The following HOOK3 variants were observed in gnomAD, a reference collection of about 807,000 sequenced individuals.
HOOK3 encodes protein Hook homolog 3.
HOOK3 carries 24 observed loss-of-function variants against 116.3 expected under a neutral mutation model. That is an observed-to-expected ratio of 0.21 (90% CI 0.15 to 0.29). The LOEUF (loss-of-function observed/expected upper bound fraction) is 0.29, where lower values mean the gene tolerates loss of function less well. Ranked by LOEUF, HOOK3 falls within the 10% of genes least tolerant of loss-of-function variation. HOOK3 has a pLI of 1.00. For missense variants in HOOK3, 632 were observed against 830.2 expected, an observed-to-expected ratio of 0.76 and a Z score of 2.93; for synonymous variants, 275 against 283.0, an observed-to-expected ratio of 0.97 and a Z score of 0.28.
At chr8:42,961,014 G>A (rs1191407124) in intron 8 of HOOK3, among the ~76,000 whole-genome samples, 4 of 152,204 alleles carry the variant, frequency 2.6e-5, no homozygotes, top group Admixed American at 2.0e-4. Context: ...ATGGCAGAAG[G>A]CAAAGGGGAA....
chr8:42,993,329 T>C (rs1220899127), intron 15 of HOOK3, among the ~76,000 whole-genome samples: 6 of 152,200 alleles, frequency 3.9e-5, no homozygotes, highest in Non-Finnish European at 7.3e-5. Context: ...AGTAGCTTAG[T>C]AGAGCCAGGT....
rs1430579183 is a variant in HOOK3 at position 43,022,255 on chromosome 8, GT to G, written c.*3759del. On this transcript the variant is annotated 3_prime_UTR_variant, in exon 22 of 22. Transcript: ENST00000307602. ...AATGATTCCTCAGGAGATTCGTGAT[GT>G]TGTCTGGTCTATCTGGAAATTTAAA... The G allele has an allele frequency of 9.5e-6, 2 of 210,886 alleles. No homozygotes were observed. Among genetic ancestry groups the G allele is most frequent in the Non-Finnish European group, 9.6e-6 (1 of 104,042 alleles). The allele number at this position is 210,886 out of a possible 1,614,324, so 13.1% of individuals were successfully genotyped here. A position where few individuals can be genotyped will look rare whatever the true frequency, so the allele number is the denominator to read the frequency against.
At chr8:42,897,261 C>G (rs938300933) in intron 1 of HOOK3, 73 bp downstream of exon 1, 3 of 1,058,450 alleles carry the variant, frequency 2.8e-6, no homozygotes, top group Non-Finnish European at 3.6e-6. Context: ...ACGCGCGGCC[C>G]GTGGGGCGAG....
chr8:42,966,700 C>T (rs1808639201), intron 10 of HOOK3, 87 bp downstream of exon 10: 3 of 1,436,054 alleles, frequency 2.1e-6, no homozygotes, highest in African/African-American at 1.4e-5. Flanking sequence ...AACTTAAGAG[C>T]CAGGCTACCT....
chr8:43,016,122 G>GT (rs35456975), intron 21 of HOOK3, among the ~76,000 whole-genome samples: 29 of 144,128 alleles, frequency 2.0e-4, no homozygotes, highest in African/African-American at 5.9e-4. Context: ...GTCCTAATTT[G>GT]TTTTTTTTTT....
intron 14 of HOOK3, among the ~76,000 whole-genome samples, chr8:42,983,921 A>G (rs1430922300): frequency 1.3e-5 from 2 of 152,162 alleles, no homozygotes; most frequent in African/African-American, 4.8e-5. Context: ...CCTTTTCAAA[A>G]TGGACACTGG....
chr8:42,913,715 A>G (rs971754656), intron 2 of HOOK3, among the ~76,000 whole-genome samples: 2 of 152,194 alleles, frequency 1.3e-5, no homozygotes, highest in Admixed American at 6.5e-5. Context: ...TCCAAAGCCA[A>G]TGTGACATTT....
chr8:42,977,518 GATACCCCAAAAC>G (rs1408669570), intron 13 of HOOK3, among the ~76,000 whole-genome samples: 2 of 152,126 alleles, frequency 1.3e-5, no homozygotes, highest in African/African-American at 4.8e-5. Context: ...GATGTATGGA[GATACCCCAAAAC>G]ATATTTAGGT....
At chr8:43,007,058 A>T (rs1809506724) in intron 17 of HOOK3, among the ~76,000 whole-genome samples, 1 of 114,294 alleles carries the variant, frequency 8.7e-6, no homozygotes, top group Non-Finnish European at 1.6e-5. Context: ...ATGGAGTCTC[A>T]CTCTGTCATC....
chr8:43,013,540 A>G (rs1809652970), intron 21 of HOOK3, 140 bp downstream of exon 21: 2 of 644,938 alleles, frequency 3.1e-6, no homozygotes, highest in African/African-American at 1.9e-5. Context: ...CAGAATCTTA[A>G]TGTTATTTCT....
chr8:43,003,436 C>G (rs1809414842), intron 17 of HOOK3, among the ~76,000 whole-genome samples: 1 of 151,870 alleles, frequency 6.6e-6, no homozygotes, highest in South Asian at 2.1e-4. Context: ...GAATTCTGTC[C>G]TTTAAAAAAA....
At chr8:42,949,540 A>G (rs1221468794) in intron 5 of HOOK3, 1 of 152,228 alleles carries the variant, frequency 6.6e-6, no homozygotes, top group Non-Finnish European at 1.5e-5. Flanking sequence ...TTGTTTAACT[A>G]TGGTATCAAT....
chr8:42,902,277 T>TC lies in HOOK3; in HGVS notation c.58-3896_58-3895insC, dbSNP rs555342837. Among the ~76,000 whole-genome samples the TC allele has an allele frequency of 9.4e-5, 13 of 138,696 alleles. No individual in the cohort carries two copies. The East Asian group carries it at 1.0e-3, about 11-fold the overall frequency. 91.0% of individuals were successfully genotyped at this position (138,696 alleles called of 152,430 possible). A position where few individuals can be genotyped will look rare whatever the true frequency, so the allele number is the denominator to read the frequency against. On this transcript the variant is annotated intron_variant, in intron 1 of 21. Transcript: ENST00000307602. ...AATGTGTATTCTCTCTCTCTCTCTC[T>TC]TTTTTTTTTTTTAAGACAGGGTCTC...
chr8:43,027,264 G>T lies in HOOK3; in HGVS notation c.*8766G>T. On this transcript the variant is annotated 3_prime_UTR_variant, in exon 22 of 22. Coordinates refer to ENST00000307602, the MANE Select transcript of HOOK3 (RefSeq NM_032410.4). ...TTGTCTACCGAGAGACTTTCTTTAG[G>T]AGCCAGGACTTCTACATTTGTAACT... 4.0e-6 allele frequency: 1 copy of T among 251,276 alleles called. No homozygotes were observed. Among genetic ancestry groups the T allele is most frequent in the South Asian group, 5.0e-5 (1 of 20,076 alleles). 15.6% of individuals were successfully genotyped at this position (251,276 alleles called of 1,614,324 possible). A position where few individuals can be genotyped will look rare whatever the true frequency, so the allele number is the denominator to read the frequency against.
chr8:42,904,953 G>A (rs777180357), intron 1 of HOOK3, among the ~76,000 whole-genome samples: 6 of 152,084 alleles, frequency 3.9e-5, no homozygotes, highest in Non-Finnish European at 5.9e-5. Context: ...CTGTTCTCAG[G>A]GATTGATTTC....
chr8:42,930,183 T>C lies in HOOK3; in HGVS notation c.267+11T>C. ...GATTATAATCATGAGGTAAAGACTT[T>C]TTTCTCATTCTGCTTAGAAGTGTTA... is the stretch of plus-strand genomic sequence containing the variant. On this transcript the variant is annotated intron_variant, in intron 4 of 21. Transcript: ENST00000307602. 1 of 1,527,354 alleles carries C rather than the reference T, an allele frequency of 6.5e-7. No homozygotes were observed. The highest frequency in any genetic ancestry group is 8.8e-7 in the Non-Finnish European group (1 of 1,134,700). 94.6% of individuals were successfully genotyped at this position (1,527,354 alleles called of 1,614,324 possible). A position where few individuals can be genotyped will look rare whatever the true frequency, so the allele number is the denominator to read the frequency against.
intron 21 of HOOK3, among the ~76,000 whole-genome samples, chr8:43,017,457 T>C (rs1040266735): frequency 6.6e-6 from 1 of 151,560 alleles, no homozygotes; most frequent in Non-Finnish European, 1.5e-5. Context: ...AGAGAGGGGG[T>C]TTCTTGTTAT....
chr8:42,919,953 GT>G (rs71550428), intron 2 of HOOK3, among the ~76,000 whole-genome samples: 60 of 145,068 alleles, frequency 4.1e-4, no homozygotes, highest in East Asian at 6.0e-4. Flanking sequence ...GAGGGAGAGG[GT>G]TTTTTTTTTT....
At chr8:42,919,929 A>G (rs1807623616) in intron 2 of HOOK3, among the ~76,000 whole-genome samples, 1 of 151,446 alleles carries the variant, frequency 6.6e-6, no homozygotes, top group Non-Finnish European at 1.5e-5. Flanking sequence ...GAGGGAGACC[A>G]TACAAAAAGG....
Sources: allele counts gnomAD v4.1 joint callset (sites outside exome capture counted in the v4.1 genomes callset), GRCh38; gene constraint gnomAD v4.1.1; transcripts MANE v1.5; gene names NCBI Gene and HGNC (gene_info 2026-07-23, HGNC 2026-07-21).